The following TRAPPC2 variants were observed in gnomAD, a reference collection of about 807,000 sequenced individuals.
The protein encoded by TRAPPC2 is trafficking protein particle complex subunit 2.
Under a neutral mutation model 10.0 loss-of-function variants are expected in TRAPPC2, and 4 were observed. That is an observed-to-expected ratio of 0.40 (90% CI 0.20 to 0.92). The LOEUF is 0.92. TRAPPC2 is among the 40% of genes least tolerant of loss of function. TRAPPC2 has a pLI of 0.35. For synonymous variants in TRAPPC2, 36 were observed against 37.3 expected, an observed-to-expected ratio of 0.97 and a Z score of 0.12; for missense variants, 52 against 108.7, an observed-to-expected ratio of 0.48 and a Z score of 2.32.
intron 2 of TRAPPC2, chrX:13,722,119 A>G (rs1198989562): frequency 3.8e-5 from 4 of 105,321 alleles, no homozygotes; most frequent in African/African-American, 1.4e-4. Flanking sequence ...GTAAACAATG[A>G]TATCATGAAT....
intron 2 of TRAPPC2, chrX:13,722,208 C>CCAAAAAAAAAAAAAAAAAAAA (rs1555898002): frequency 8.3e-5 from 3 of 36,118 alleles, no homozygotes; most frequent in African/African-American, 3.6e-4. Flanking sequence ...TAAGCAGCAG[C>CCAAAAAAAAAAAAAAAAAAAA]AAAAAAAAAA....
Position 13,731,507 on chromosome X carries a change from C to T in TRAPPC2, c.-20+2537G>A, listed in dbSNP as rs914589111. Reference sequence around the variant, plus strand: ...GGTAGGTAAACAGAAAGTCATTTTACGAAATATTTTGGTATCTACCTAAGA... The same window carrying T: ...GGTAGGTAAACAGAAAGTCATTTTATGAAATATTTTGGTATCTACCTAAGA... On this transcript the variant is annotated intron_variant, in intron 2 of 5. Transcript: ENST00000380579. Among the ~76,000 whole-genome samples, 9 of 112,060 alleles carry T rather than the reference C, an allele frequency of 8.0e-5. 1 individual carries two copies. Among genetic ancestry groups the T allele is most frequent in the African/African-American group, 1.6e-4 (5 of 30,759 alleles).
chrX:13,720,608 G>A (rs1438066792), intron 2 of TRAPPC2: 2 of 112,155 alleles, frequency 1.8e-5, no homozygotes, highest in African/African-American at 6.5e-5. Flanking sequence ...AAATCTAAGA[G>A]CCTATGATAT....
intron 2 of TRAPPC2, among the ~76,000 whole-genome samples, chrX:13,723,461 C>T (rs1006766840): frequency 2.7e-5 from 3 of 111,884 alleles, no homozygotes; most frequent in African/African-American, 6.5e-5. Context: ...AGCCACCATG[C>T]CCGGCCTGAT....
chrX:13,734,388 G>C (rs964116479), intron 1 of TRAPPC2, 137 bp downstream of exon 1: 21 of 290,498 alleles, frequency 7.2e-5, no homozygotes, highest in African/African-American at 1.4e-4. Flanking sequence ...ATGAGCCAGC[G>C]GAGGGCTGGC....
At chrX:13,731,228 A>G (rs2146877944) in intron 2 of TRAPPC2, among the ~76,000 whole-genome samples, 1 of 112,304 alleles carries the variant, frequency 8.9e-6, no homozygotes, top group South Asian at 3.7e-4. Context: ...GTTAAATGCT[A>G]TTCCTATTTT....
At chrX:13,720,078 C>G in intron 2 of TRAPPC2, 96 bp from the exon 3 acceptor site, 1 of 630,641 alleles carries the variant, frequency 1.6e-6, no homozygotes, top group Non-Finnish European at 2.3e-6. Flanking sequence ...AAATTTAAAC[C>G]TGACATTGTA....
intron 2 of TRAPPC2, among the ~76,000 whole-genome samples, chrX:13,728,367 C>A (rs1206848688): frequency 8.9e-6 from 1 of 111,852 alleles, no homozygotes; most frequent in Non-Finnish European, 1.9e-5. Flanking sequence ...TACTGGCAAA[C>A]CGAATCCAGT....
At chrX:13,725,239 G>C (rs770506986) in intron 2 of TRAPPC2, among the ~76,000 whole-genome samples, 5 of 113,183 alleles carry the variant, frequency 4.4e-5, no homozygotes, top group African/African-American at 1.6e-4. Context: ...GCTCTGAAGA[G>C]AGCAGTGGCT....
chrX:13,717,702 G>C (rs1283701945), intron 3 of TRAPPC2, among the ~76,000 whole-genome samples: 1 of 111,406 alleles, frequency 9.0e-6, no homozygotes, highest in Non-Finnish European at 1.9e-5. Context: ...TCACGCCATT[G>C]CACTCCAGCC....
At chrX:13,725,872 A>C (rs1162512904) in intron 2 of TRAPPC2, among the ~76,000 whole-genome samples, 1 of 111,681 alleles carries the variant, frequency 9.0e-6, no homozygotes, top group Non-Finnish European at 1.9e-5. Flanking sequence ...AAAAGATTAG[A>C]CGAATGGCTA....
At chrX:13,732,531 G>C (rs1488441584) in intron 2 of TRAPPC2, among the ~76,000 whole-genome samples, 1 of 112,965 alleles carries the variant, frequency 8.9e-6, no homozygotes, top group Non-Finnish European at 1.9e-5. Flanking sequence ...CACCAGGAAA[G>C]AATGCTGTGA....
chrX:13,716,214 C>G, intron 4 of TRAPPC2, 125 bp from the exon 5 acceptor site: 3 of 782,349 alleles, frequency 3.8e-6, no homozygotes, highest in Admixed American at 4.0e-5. Context: ...AATATATAAA[C>G]TGGGTTTAAA....
At chrX:13,715,683 T>C (rs1240287401) in intron 5 of TRAPPC2, 1 of 410,496 alleles carries the variant, frequency 2.4e-6, no homozygotes, top group Non-Finnish European at 3.2e-6. Context: ...TATGAAGTAA[T>C]TTTCCCTTAT....
chrX:13,731,360 A>G (rs1453322334), intron 2 of TRAPPC2, among the ~76,000 whole-genome samples: 1 of 112,556 alleles, frequency 8.9e-6, no homozygotes, highest in African/African-American at 3.2e-5. Context: ...AGGCACTTTT[A>G]TTATACATTA....
intron 2 of TRAPPC2, among the ~76,000 whole-genome samples, chrX:13,728,809 T>C (rs912914701): frequency 4.5e-5 from 5 of 112,054 alleles, no homozygotes; most frequent in Non-Finnish European, 9.4e-5. Flanking sequence ...GGAAGTCAAG[T>C]TGTCCCTGTT....
chrX:13,730,184 C>G (rs779863393), intron 2 of TRAPPC2, among the ~76,000 whole-genome samples: 1 of 109,432 alleles, frequency 9.1e-6, no homozygotes, highest in Non-Finnish European at 1.9e-5. Context: ...TGACGAAGGG[C>G]TAATATCCAG....
At chrX:13,725,142 G>A in intron 2 of TRAPPC2, among the ~76,000 whole-genome samples, 1 of 113,096 alleles carries the variant, frequency 8.8e-6, no homozygotes, top group Non-Finnish European at 1.9e-5. Context: ...AAAGCCTACT[G>A]CCTCTAGACT....
At chrX:13,734,002 T>C in intron 2 of TRAPPC2, 42 bp downstream of exon 2, 1 of 514,017 alleles carries the variant, frequency 1.9e-6, no homozygotes, top group Non-Finnish European at 3.5e-6. Flanking sequence ...TTTGGTTCCT[T>C]TCCTTTCTAA....
Sources: gnomAD v4.1 joint callset for allele counts (sites outside exome capture counted in the v4.1 genomes callset) on GRCh38, gnomAD v4.1.1 for gene constraint, MANE v1.5 for transcripts, NCBI Gene and HGNC (gene_info 2026-07-23, HGNC 2026-07-21) for gene names.